The following SCAF1 variants were observed in gnomAD, a reference collection of about 807,000 sequenced individuals.
SCAF1 encodes the protein splicing factor, arginine/serine-rich 19.
A neutral mutation model predicts 91.2 loss-of-function variants in SCAF1; 28 were observed. The observed-to-expected ratio is 0.31, with a 90% confidence interval of 0.23 to 0.42. The LOEUF is 0.42. Among genes scored for constraint, SCAF1 ranks in the 10% least tolerant of loss-of-function variants. SCAF1 has a pLI of 1.00. For missense variants in SCAF1, 1,893 were observed against 1,872.1 expected, an observed-to-expected ratio of 1.01 and a Z score of -0.21; for synonymous variants, 1,036 against 833.7, an observed-to-expected ratio of 1.24 and a Z score of -4.18.
At chr19:49,641,721 G>A (rs1281639587), upstream of SCAF1, among the ~76,000 whole-genome samples, 2 of 152,158 alleles carry the variant, frequency 1.3e-5, no homozygotes, top group Non-Finnish European at 2.9e-5. Context: ...GTGGGACTAC[G>A]GTGTGCGCCA....
At position 49,652,529 on chromosome 19, in the gene SCAF1, G is replaced by T; in HGVS notation, c.2140G>T (p.Asp714Tyr). ...CACGGTGGGCCGGCTTGACAAGTCCGACCCCCGAGGACCCTCTCCTGCTCC... is the reference window on the plus strand; with the variant it reads ...CACGGTGGGCCGGCTTGACAAGTCCTACCCCCGAGGACCCTCTCCTGCTCC... Reference protein sequence around the residue: ...TITVGRLDKSDPRGPSPAPAS... With the variant: ...TITVGRLDKSYPRGPSPAPAS... Residue 714 changes from aspartate to tyrosine, a missense_variant, in exon 7 of 11, where the codon GAC becomes TAC. Around this residue, in one of 5 missense-constraint regions of SCAF1, gnomAD observed 1,436 missense variants for 1,306.8 expected, o/e 1.10. Coordinates refer to ENST00000360565, the MANE Select transcript of SCAF1 (RefSeq NM_021228.3). The T allele has an allele frequency of 1.3e-6, 2 of 1,565,922 alleles. No individual in the cohort carries two copies. The highest frequency in any genetic ancestry group is 1.8e-5 in the Admixed American group (1 of 54,518).
Position 49,653,710 on chromosome 19 carries a change from G to T in SCAF1, c.3316+5G>T. ...CCACCAGCGGCGTCCTGGCCTGTGA[G>T]TGTCCCCTGGGGGAGGGTGGTGCTG... is the stretch of plus-strand genomic sequence containing the variant. On this transcript the variant is annotated splice_donor_5th_base_variant and intron_variant, in intron 7 of 10. Coordinates refer to ENST00000360565, the MANE Select transcript of SCAF1 (RefSeq NM_021228.3). The T allele has an allele frequency of 6.5e-7, 1 of 1,541,112 alleles. No homozygotes were observed.
chr19:49,658,068 A>G (rs945905065), intron 10 of SCAF1, 140 bp from the exon 11 acceptor site: 10 of 1,210,242 alleles, frequency 8.3e-6, no homozygotes, highest in African/African-American at 3.1e-5. Flanking sequence ...TGGGGCACCC[A>G]TCGTCTAGGG....
Position 49,642,834 on chromosome 19 carries a change from C to T in SCAF1, c.-7+592C>T, listed in dbSNP as rs955521471. The T allele has an allele frequency of 1.3e-5, 2 of 152,120 alleles. No individual in the cohort carries two copies. Among genetic ancestry groups the T allele is most frequent in the African/African-American group, 4.8e-5 (2 of 41,408 alleles). 9.4% of individuals were successfully genotyped at this position (152,120 alleles called of 1,614,324 possible). A position where few individuals can be genotyped will look rare whatever the true frequency, so the allele number is the denominator to read the frequency against. ...AGGGCTAAGAAGTCATTTAGGGCCC[C>T]CTAGGGGGTTGGGTTATGCCCACCA... On this transcript the variant is annotated intron_variant, in intron 1 of 10. Coordinates refer to ENST00000360565, the MANE Select transcript of SCAF1 (RefSeq NM_021228.3). This position sits in a 1 kb window ranked among gnomAD's most constrained non-coding sequence, Gnocchi z 4.0.
rs778967315 is a variant in SCAF1, at chr19:49,653,029, C to G, written c.2640C>G (p.Asp880Glu). 4.3e-6 allele frequency: 7 copies of G among 1,613,898 alleles called. No individual in the cohort carries two copies. The Admixed American group carries it at 5.0e-5, about 12-fold the overall frequency. Residue 880 changes from aspartate (D) to glutamate (E), a missense_variant, in exon 7 of 11, where the codon GAC becomes GAG. By Grantham distance (45) the Asp-to-Glu change is conservative (BLOSUM62 2). This residue lies in a region of SCAF1 where 1,436 missense variants were observed against 1,306.8 expected (regional missense o/e 1.10). Transcript: ENST00000360565. ...GTCGCTCCCCCTTCCTCAAACCTGACGAGCGGGCCCCCACTGAGATGGCCA... is the reference window on the plus strand; with the variant it reads ...GTCGCTCCCCCTTCCTCAAACCTGAGGAGCGGGCCCCCACTGAGATGGCCA... ...RESRSPFLKP[D>E]ERAPTEMAKA...
intron 9 of SCAF1, among the ~76,000 whole-genome samples, chr19:49,656,529 G>A (rs1394196360): frequency 6.6e-6 from 1 of 152,196 alleles, no homozygotes; most frequent in African/African-American, 2.4e-5. Flanking sequence ...CCTGCAGAAG[G>A]CCTGTTCTTC....
rs777458475 is a variant in SCAF1, at chr19:49,653,559, C to G, written c.3170C>G (p.Thr1057Ser). The change falls in exon 7 of 11, where the codon ACT becomes AGT. Residue 1057 changes from threonine (T) to serine (S), a missense_variant. This residue lies in a region of SCAF1 where 1,436 missense variants were observed against 1,306.8 expected (regional missense o/e 1.10). Transcript: ENST00000360565. ...ATSTAAAAPS[T>S]APSAGSTAGD... ...AGCACTGCTGCAGCCGCCCCAAGCACTGCCCCCAGCGCGGGGTCCACAGCC... is the reference window on the plus strand; with the variant it reads ...AGCACTGCTGCAGCCGCCCCAAGCAGTGCCCCCAGCGCGGGGTCCACAGCC... The G allele has an allele frequency of 1.9e-6, 3 of 1,586,888 alleles. No individual in the cohort carries two copies. Among genetic ancestry groups the G allele is most frequent in the South Asian group, 1.1e-5 (1 of 88,348 alleles).
In SCAF1 at chr19:49,651,431, A is replaced by G. The variant is rs140638428; in HGVS notation, c.1042A>G (p.Met348Val). The G allele has an allele frequency of 3.1e-6, 5 of 1,600,590 alleles. No individual in the cohort carries two copies. Among genetic ancestry groups the G allele is most frequent in the Admixed American group, 3.4e-5 (2 of 58,750 alleles). The change falls in exon 7 of 11, where the codon ATG becomes GTG. Residue 348 changes from methionine (M) to valine (V), a missense_variant. Around this residue, in one of 5 missense-constraint regions of SCAF1, gnomAD observed 1,436 missense variants for 1,306.8 expected, o/e 1.10. Transcript: ENST00000360565. ...GGACTCCACCCGGGCTGATGGAGCC[A>G]TGCGCCGGCGGGTCTTCGTGGTGGG... ...QVDSTRADGAMRRRVFVVGTE... is the reference protein window; with the variant it reads ...QVDSTRADGAVRRRVFVVGTE...
chr19:49,654,389 G>T lies in SCAF1; in HGVS notation c.3357G>T (p.Ala1119=). 6.2e-7 allele frequency: 1 copy of T among 1,613,516 alleles called. No homozygotes were observed. Among genetic ancestry groups the T allele is most frequent in the Admixed American group, 1.7e-5 (1 of 60,004 alleles). ...TCAAGATGGAAGAAGCCAACCTGGCGAGCCGAGCGAAGGCCCAGGAGCTGA... is the reference window on the plus strand; with the variant it reads ...TCAAGATGGAAGAAGCCAACCTGGCTAGCCGAGCGAAGGCCCAGGAGCTGA... The part of the protein sequence containing the change: ...LLFKMEEANL[A]SRAKAQELIQ... The change falls in exon 8 of 11, where the codon GCG becomes GCT. Residue 1119 remains alanine, a synonymous_variant. Transcript: ENST00000360565.
At position 49,654,394 on chromosome 19, in the gene SCAF1, G is replaced by A. The variant is rs1258105145; in HGVS notation, c.3362G>A (p.Arg1121Gln). ...ATGGAAGAAGCCAACCTGGCGAGCC[G>A]AGCGAAGGCCCAGGAGCTGATCCAG... ...FKMEEANLAS[R>Q]AKAQELIQAT... Residue 1121 changes from arginine (R) to glutamine (Q), a missense_variant, in exon 8 of 11, where the codon CGA becomes CAA. Physicochemically the swap from Arg to Gln is conservative, Grantham distance 43. Coordinates refer to ENST00000360565, the MANE Select transcript of SCAF1 (RefSeq NM_021228.3). The A allele has an allele frequency of 3.1e-6, 5 of 1,613,422 alleles. No homozygotes were observed. Among genetic ancestry groups the A allele is most frequent in the Admixed American group, 3.3e-5 (2 of 59,992 alleles).
rs1315866516 is a variant in SCAF1 at position 49,657,729 on chromosome 19, T to C, written c.3619-32T>C. ...TCCGCAGGTACTCACTGGCCCTTGC[T>C]GTGTCTTCCCCCGCTGTCGCCACCC... On this transcript the variant is annotated intron_variant, in intron 9 of 10. Coordinates refer to ENST00000360565, the MANE Select transcript of SCAF1 (RefSeq NM_021228.3). 6 of 1,577,342 alleles carry C rather than the reference T, an allele frequency of 3.8e-6. No homozygotes were observed. In the East Asian group the frequency reaches 7.0e-5, roughly 18 times the overall value.
rs1454491786 is a variant in SCAF1 at position 49,658,251 on chromosome 19, G to A, written c.3791G>A (p.Ser1264Asn). The change falls in exon 11 of 11, where the codon AGC (serine) becomes AAC (asparagine). Residue 1264 changes from serine (S) to asparagine (N), a missense_variant. Transcript: ENST00000360565. ...GGGGAAATCAACCCAGTGAAGGTGA[G>A]CAACCTGGTGCGGGCCTACGTCCAG... ...KSGEINPVKV[S>N]NLVRAYVQRY... The A allele has an allele frequency of 6.2e-7, 1 of 1,613,680 alleles. No individual in the cohort carries two copies. Among genetic ancestry groups the A allele is most frequent in the Non-Finnish European group, 8.5e-7 (1 of 1,179,872 alleles).
In SCAF1 at chr19:49,646,085, C is replaced by T; in HGVS notation, c.167-23C>T. The T allele has an allele frequency of 6.2e-7, 1 of 1,603,584 alleles. No individual in the cohort carries two copies. Among genetic ancestry groups the T allele is most frequent in the Non-Finnish European group, 8.5e-7 (1 of 1,172,550 alleles). On this transcript the variant is annotated intron_variant, in intron 3 of 10. Coordinates refer to ENST00000360565, the MANE Select transcript of SCAF1 (RefSeq NM_021228.3). The surrounding 1 kb of genome is among the most constrained non-coding windows in gnomAD (Gnocchi z 5.6). ...CTGCAGCAAGTCCCCTGTGTCCAAT[C>T]CCCCATGCAAATCTCTCACCAGATG...
chr19:49,641,920 G>A (rs1419633162), upstream of SCAF1, among the ~76,000 whole-genome samples: 1 of 152,232 alleles, frequency 6.6e-6, no homozygotes, highest in African/African-American at 2.4e-5. Flanking sequence ...CGCGCGCAGG[G>A]CACTGTGGGG....
In SCAF1 at chr19:49,651,938, A is replaced by G; in HGVS notation, c.1549A>G (p.Lys517Glu). 1 of 1,185,770 alleles carries G rather than the reference A, an allele frequency of 8.4e-7. No homozygotes were observed. Among genetic ancestry groups the G allele is most frequent in the South Asian group, 1.8e-5 (1 of 54,514 alleles). 73.5% of individuals were successfully genotyped at this position (1,185,770 alleles called of 1,614,324 possible). A position where few individuals can be genotyped will look rare whatever the true frequency, so the allele number is the denominator to read the frequency against. The change falls in exon 7 of 11, where the codon AAG (lysine) becomes GAG (glutamate). Residue 517 changes from lysine to glutamate, a missense_variant. Coordinates refer to ENST00000360565, the MANE Select transcript of SCAF1 (RefSeq NM_021228.3). ...PAAAAGPPTR[K>E]KSRRERKRSG... ...CGCCGCTGCTGGTCCGCCCACGCGC[A>G]AGAAGTCCAGGCGGGAACGCAAGCG...
chr19:49,642,262 C>G lies in SCAF1; in HGVS notation c.-7+20C>G, dbSNP rs1485714381. 1 of 152,156 alleles carries G rather than the reference C, an allele frequency of 6.6e-6. No individual in the cohort carries two copies. The highest frequency in any genetic ancestry group is 1.9e-4 in the East Asian group (1 of 5,184). 9.4% of individuals were successfully genotyped at this position (152,156 alleles called of 1,614,324 possible). ...GGCGGGGTAAGATGGCGGCGGCAGT[C>G]CGGGCCGCGGGGCTCGGGCCTATTG... On this transcript the variant is annotated intron_variant, in intron 1 of 10. Transcript: ENST00000360565. The surrounding 1 kb of genome is among the most constrained non-coding windows in gnomAD (Gnocchi z 4.0).
At chr19:49,654,204 C>T in intron 7 of SCAF1, 145 bp from the exon 8 acceptor site, 1 of 675,376 alleles carries the variant, frequency 1.5e-6, no homozygotes, top group Non-Finnish European at 2.6e-6. Context: ...GGCCAAGGCC[C>T]CCTTTTCCCA....
At chr19:49,658,152 G>T in intron 10 of SCAF1, 56 bp from the exon 11 acceptor site, 1 of 1,560,726 alleles carries the variant, frequency 6.4e-7, no homozygotes, top group East Asian at 2.3e-5. Flanking sequence ...CAACAGTCCT[G>T]GGTGGATGGG....
rs2081097881 is a variant in SCAF1 at position 49,652,106 on chromosome 19, C to T, written c.1717C>T (p.Arg573Cys). The T allele has an allele frequency of 4.7e-6, 2 of 423,428 alleles. No individual in the cohort carries two copies. The highest frequency in any genetic ancestry group is 5.4e-6 in the Non-Finnish European group (2 of 370,502). The allele number at this position is 423,428 out of a possible 1,614,324, so 26.2% of individuals were successfully genotyped here. A position where few individuals can be genotyped will look rare whatever the true frequency, so the allele number is the denominator to read the frequency against. Residue 573 changes from arginine (R) to cysteine (C), a missense_variant, in exon 7 of 11, where the codon CGC becomes TGC. Arg to Cys is a radical substitution (Grantham distance 180). Around this residue, in one of 5 missense-constraint regions of SCAF1, gnomAD observed 1,436 missense variants for 1,306.8 expected, o/e 1.10. Coordinates refer to ENST00000360565, the MANE Select transcript of SCAF1 (RefSeq NM_021228.3). Reference protein sequence around the residue: ...GSHASSSARRRSRSRSRSRST... With the variant: ...GSHASSSARRCSRSRSRSRST... Reference sequence around the variant, plus strand: ...CCACGCCTCGTCGTCCGCCCGCCGCCGCTCCCGCTCCCGCTCCCGCTCCCG... The same window carrying T: ...CCACGCCTCGTCGTCCGCCCGCCGCTGCTCCCGCTCCCGCTCCCGCTCCCG...
Sources: allele counts gnomAD v4.1 joint callset (sites outside exome capture counted in the v4.1 genomes callset), GRCh38; gene constraint gnomAD v4.1.1; regional missense constraint gnomAD v4.1.1; non-coding constraint Gnocchi (gnomAD v3.1); transcripts MANE v1.5; gene names NCBI Gene and HGNC (gene_info 2026-07-23, HGNC 2026-07-21).